The following SMTNL1 variants were observed in gnomAD, a reference collection of about 807,000 sequenced individuals.
SMTNL1 encodes the protein smoothelin-like protein 1.
Under a neutral mutation model 46.6 loss-of-function variants are expected in SMTNL1, and 41 were observed. The observed-to-expected ratio is 0.88, with a 90% CI of 0.69 to 1.14. The LOEUF (loss-of-function observed/expected upper bound fraction) is 1.14. SMTNL1 is among the 50% of genes most tolerant of loss of function. SMTNL1 has a pLI of 0.00. For synonymous variants in SMTNL1, 234 were observed against 234.2 expected, an observed-to-expected ratio of 1.00 and a Z score of 0.01; for missense variants, 591 against 626.1, an observed-to-expected ratio of 0.94 and a Z score of 0.60.
chr11:57,544,981 T>G (rs1944910683), intron 4 of SMTNL1, among the ~76,000 whole-genome samples: 1 of 151,948 alleles, frequency 6.6e-6, no homozygotes, highest in Non-Finnish European at 1.5e-5. Flanking sequence ...GGATTATATG[T>G]GCGCGCCACC....
chr11:57,539,873 A>T (rs938473226), intron 1 of SMTNL1, among the ~76,000 whole-genome samples: 1 of 152,222 alleles, frequency 6.6e-6, no homozygotes, highest in Non-Finnish European at 1.5e-5. Flanking sequence ...GAGAGGATGG[A>T]TAGCTTGCTC....
At position 57,537,656 on chromosome 11, in the gene SMTNL1, T is replaced by G. The variant is rs890133973; in HGVS notation, c.-3+14T>G. 2.6e-5 allele frequency among the ~76,000 whole-genome samples: 4 copies of G among 152,196 alleles called. No homozygotes were observed. The highest frequency in any genetic ancestry group is 9.7e-5 in the African/African-American group (4 of 41,448). On this transcript the variant is annotated intron_variant, in intron 1 of 7. Transcript: ENST00000527972. ...GAAGCCCCACAGGTAGGAGAAGCCC[T>G]GGCACCCTTTCTAAGGGTCCCTCCC... is the stretch of plus-strand genomic sequence containing the variant.
rs1340885608 is a variant in SMTNL1 at position 57,542,538 on chromosome 11, A to G, written c.-2-103A>G. On this transcript the variant is annotated intron_variant, in intron 1 of 7. Transcript: ENST00000527972. ...CATGTCCAAGTAGGAGCCAAGACTGAACCACGGACTTCCTGACTCCCAGGC... is the reference window on the plus strand; with the variant it reads ...CATGTCCAAGTAGGAGCCAAGACTGGACCACGGACTTCCTGACTCCCAGGC... The G allele has an allele frequency of 2.3e-5, 32 of 1,369,272 alleles. 1 individual carries two copies. In the East Asian group the frequency reaches 7.7e-4, roughly 33 times the overall value. 84.8% of individuals were successfully genotyped at this position (1,369,272 alleles called of 1,614,324 possible).
At chr11:57,541,891 T>C (rs917360265) in intron 1 of SMTNL1, among the ~76,000 whole-genome samples, 2 of 152,056 alleles carry the variant, frequency 1.3e-5, no homozygotes, top group African/African-American at 4.8e-5. Context: ...AACAAAATGG[T>C]GTTATTCAAT....
intron 6 of SMTNL1, 33 bp from the exon 7 acceptor site, chr11:57,546,468 A>G (rs1338326757): frequency 6.2e-7 from 1 of 1,613,018 alleles, no homozygotes; most frequent in South Asian, 1.1e-5. Flanking sequence ...GCTGAGCCTC[A>G]CTGAGGCCTC....
intron 7 of SMTNL1, among the ~76,000 whole-genome samples, chr11:57,549,097 C>T (rs1474411688): frequency 6.6e-6 from 1 of 151,192 alleles, no homozygotes; most frequent in African/African-American, 2.4e-5. Flanking sequence ...ATGATCTCAG[C>T]TCACTGCAAC....
At chr11:57,538,946 G>A (rs1044148331) in intron 1 of SMTNL1, among the ~76,000 whole-genome samples, 8 of 152,156 alleles carry the variant, frequency 5.3e-5, no homozygotes, top group African/African-American at 1.9e-4. Context: ...CCTGGAGGGT[G>A]GAAAGCTGAG....
In SMTNL1 at chr11:57,545,935, G is replaced by A. The variant is rs748397372; in HGVS notation, c.972G>A (p.Gly324=). Reference sequence around the variant, plus strand: ...GTCCCCCTGAGTCCCCTTCCTCAGGGGAGAAGAAGGAGAAGGCACCAGAGC... The same window carrying A: ...GTCCCCCTGAGTCCCCTTCCTCAGGAGAGAAGAAGGAGAAGGCACCAGAGC... ...PQSPPESPSS[G]EKKEKAPERR... is the part of the protein sequence containing the mutation. Residue 324 remains glycine, a synonymous_variant, in exon 5 of 8, where the codon GGG becomes GGA. Transcript: ENST00000527972. The A allele has an allele frequency of 7.4e-6, 12 of 1,613,536 alleles. No individual in the cohort carries two copies. Among genetic ancestry groups the A allele is most frequent in the Admixed American group, 1.7e-5 (1 of 59,944 alleles).
rs1177339994 is a variant in SMTNL1 at position 57,537,660 on chromosome 11, A to G, written c.-3+18A>G. ...CCCCACAGGTAGGAGAAGCCCTGGC[A>G]CCCTTTCTAAGGGTCCCTCCCCATC... On this transcript the variant is annotated intron_variant, in intron 1 of 7. Coordinates refer to ENST00000527972, the MANE Select transcript of SMTNL1 (RefSeq NM_001105565.3). 1.3e-5 allele frequency among the ~76,000 whole-genome samples: 2 copies of G among 152,046 alleles called. No individual in the cohort carries two copies. The highest frequency in any genetic ancestry group is 4.8e-5 in the African/African-American group (2 of 41,402).
chr11:57,544,900 G>A (rs1305404646), intron 4 of SMTNL1, among the ~76,000 whole-genome samples: 1 of 149,754 alleles, frequency 6.7e-6, no homozygotes. Context: ...GCAATAGTGC[G>A]ATCTCAGGTC....
chr11:57,548,611 A>C (rs980042184), intron 7 of SMTNL1, among the ~76,000 whole-genome samples: 2 of 152,192 alleles, frequency 1.3e-5, no homozygotes, highest in African/African-American at 4.8e-5. Context: ...CAGAGGTTGC[A>C]GTGAGCCAAA....
intron 7 of SMTNL1, among the ~76,000 whole-genome samples, chr11:57,548,265 A>G (rs1485256086): frequency 1.3e-5 from 2 of 152,174 alleles, no homozygotes; most frequent in South Asian, 2.1e-4. Context: ...CCTGAAACAC[A>G]CCAAGCATTC....
chr11:57,540,698 C>T (rs1030829037), intron 1 of SMTNL1, among the ~76,000 whole-genome samples: 1 of 151,950 alleles, frequency 6.6e-6, no homozygotes, highest in Non-Finnish European at 1.5e-5. Context: ...CGTCCATCCC[C>T]CTGGCTCATC....
In SMTNL1 at chr11:57,543,733, G is replaced by A; in HGVS notation, c.842G>A (p.Gly281Glu). 1 of 1,564,470 alleles carries A rather than the reference G, an allele frequency of 6.4e-7. No individual in the cohort carries two copies. The highest frequency in any genetic ancestry group is 1.2e-5 in the South Asian group (1 of 84,954). Reference sequence around the variant, plus strand: ...GAGGAGTGGCCTGAGAGCCCCACTGGGGAGGGGCACAACCTCAGCACAGGT... The same window carrying A: ...GAGGAGTGGCCTGAGAGCCCCACTGAGGAGGGGCACAACCTCAGCACAGGT... ...SPEEWPESPT[G>E]EGHNLSTDGL... is the part of the protein sequence containing the mutation. The change falls in exon 3 of 8, where the codon GGG becomes GAG. Residue 281 changes from glycine to glutamate, a missense_variant. Coordinates refer to ENST00000527972, the MANE Select transcript of SMTNL1 (RefSeq NM_001105565.3).
intron 1 of SMTNL1, among the ~76,000 whole-genome samples, chr11:57,541,050 A>G (rs1176210397): frequency 6.6e-6 from 1 of 152,176 alleles, no homozygotes; most frequent in African/African-American, 2.4e-5. Flanking sequence ...GAGCCGCTGA[A>G]CCAGGAAGGG....
chr11:57,546,623 C>G lies in SMTNL1; in HGVS notation c.1311C>G (p.His437Gln). 1.2e-6 allele frequency: 2 copies of G among 1,613,934 alleles called. No individual in the cohort carries two copies. Among genetic ancestry groups the G allele is most frequent in the Non-Finnish European group, 1.7e-6 (2 of 1,179,868 alleles). ...AGCTGGATCCCGCAAAGCGCCGGCA[C>G]AACTTCACCCTGGCCTTCTCCACAG... The part of the protein sequence containing the change: ...YAELDPAKRR[H>Q]NFTLAFSTAE... Residue 437 changes from histidine to glutamine, a missense_variant, in exon 7 of 8, where the codon CAC becomes CAG. Transcript: ENST00000527972.
rs566160989 is a variant in SMTNL1 at position 57,546,985 on chromosome 11, T to C, written c.1340+333T>C. Among the ~76,000 whole-genome samples the C allele has an allele frequency of 7.2e-5, 11 of 151,996 alleles. No individual in the cohort carries two copies. The South Asian group carries it at 2.3e-3, about 32-fold the overall frequency. ...CCCATCTCTACAAAAAATCAAAAAA[T>C]TAGCTGGGTATGGTGGTGGATACCT... On this transcript the variant is annotated intron_variant, in intron 7 of 7. Transcript: ENST00000527972.
intron 4 of SMTNL1, 67 bp from the exon 5 acceptor site, chr11:57,545,814 C>T (rs1028256177): frequency 2.7e-6 from 4 of 1,465,014 alleles, no homozygotes; most frequent in African/African-American, 2.8e-5. Context: ...AGCCCCACAG[C>T]CCCCTCCCTG....
rs781539932 is a variant in SMTNL1 at position 57,542,817 on chromosome 11, G to A, written c.175G>A (p.Glu59Lys). The A allele has an allele frequency of 3.5e-5, 57 of 1,613,634 alleles. No individual in the cohort carries two copies. Among genetic ancestry groups the A allele is most frequent in the African/African-American group, 1.1e-4 (8 of 74,932 alleles). The change falls in exon 2 of 8, where the codon GAG (glutamate) becomes AAG (lysine). Residue 59 changes from glutamate to lysine, a missense_variant. Coordinates refer to ENST00000527972, the MANE Select transcript of SMTNL1 (RefSeq NM_001105565.3). ...AGGAAAGCAGGAAAAGGCACCAGCC[G>A]AGGACGGCATGTCAGCAGAACTCCA... is the stretch of plus-strand genomic sequence containing the variant. ...ESGKQEKAPA[E>K]DGMSAELQGE...
Sources: allele counts gnomAD v4.1 joint callset (sites outside exome capture counted in the v4.1 genomes callset), GRCh38; gene constraint gnomAD v4.1.1; transcripts MANE v1.5; gene names NCBI Gene and HGNC (gene_info 2026-07-23, HGNC 2026-07-21).